ASIC4: variants seen among roughly 807,000 people sequenced by gnomAD.
ASIC4 encodes acid sensing ion channel subunit family member 4.
A neutral mutation model predicts 53.4 loss-of-function variants in ASIC4; 28 were observed. The observed-to-expected ratio is 0.52, with a 90% CI of 0.39 to 0.72. The LOEUF is 0.72. Ranked by LOEUF, ASIC4 falls within the 30% of genes least tolerant of loss-of-function variation. ASIC4 has a pLI of 0.00. For missense variants in ASIC4, 649 were observed against 729.7 expected, an observed-to-expected ratio of 0.89 and a Z score of 1.27; for synonymous variants, 289 against 301.4, an observed-to-expected ratio of 0.96 and a Z score of 0.43.
upstream of ASIC4, among the ~76,000 whole-genome samples, chr2:219,512,784 A>T (rs1444219423): frequency 3.9e-5 from 6 of 152,214 alleles, no homozygotes; most frequent in Non-Finnish European, 1.5e-5. Flanking sequence ...ACCCAGACTC[A>T]TTGGAGGCTT....
intron 1 of ASIC4, among the ~76,000 whole-genome samples, chr2:219,530,268 C>T (rs1695021092): frequency 6.6e-6 from 1 of 152,242 alleles, no homozygotes; most frequent in African/African-American, 2.4e-5. Context: ...GCCTGTTCTC[C>T]ACCCCTGCCG....
Position 219,536,554 on chromosome 2 carries a change from C to G in ASIC4, c.1230-512C>G, listed in dbSNP as rs1668197467. ...CCTCTGAGGGCCCTGGGTTTGGGGT[C>G]TGAGAGAGGAGGCAATGGGGAGGCG... On this transcript the variant is annotated intron_variant, in intron 6 of 9. Coordinates refer to ENST00000358078, the MANE Select transcript of ASIC4 (RefSeq NM_018674.6). This position sits in a 1 kb window ranked among gnomAD's most constrained non-coding sequence, Gnocchi z 4.6. Among the ~76,000 whole-genome samples the G allele has an allele frequency of 6.6e-6, 1 of 151,314 alleles. No homozygotes were observed. Among genetic ancestry groups the G allele is most frequent in the South Asian group, 2.1e-4 (1 of 4,776 alleles).
At chr2:219,524,249 A>C (rs1198960814) in intron 1 of ASIC4, among the ~76,000 whole-genome samples, 2 of 152,244 alleles carry the variant, frequency 1.3e-5, no homozygotes, top group Non-Finnish European at 2.9e-5. Context: ...ACTGTTGAGC[A>C]CAGGCTCAAT....
rs765419366 is a variant in ASIC4, at chr2:219,515,091, T to G, written c.367T>G (p.Phe123Val). 6.2e-7 allele frequency: 1 copy of G among 1,613,996 alleles called. No homozygotes were observed. Among genetic ancestry groups the G allele is most frequent in the East Asian group, 2.2e-5 (1 of 44,876 alleles). Residue 123 changes from phenylalanine to valine, a missense_variant, in exon 1 of 10, where the codon TTC becomes GTC. Coordinates refer to ENST00000358078, the MANE Select transcript of ASIC4 (RefSeq NM_018674.6). ...PAVTLCNINR[F>V]RHSALSDADI... ...TGTCACCCTCTGCAATATCAACCGC[T>G]TCCGGCATTCGGCACTCAGCGATGC...
intron 5 of ASIC4, chr2:219,533,983 G>A (rs1695084954): frequency 6.9e-6 from 1 of 145,872 alleles, no homozygotes; most frequent in South Asian, 2.2e-4. Flanking sequence ...GCGGTGAGCT[G>A]GGATCACACC....
At chr2:219,527,508 T>C (rs1694979133) in intron 1 of ASIC4, among the ~76,000 whole-genome samples, 1 of 152,244 alleles carries the variant, frequency 6.6e-6, no homozygotes, top group Admixed American at 6.5e-5. Flanking sequence ...AGGTACCAGG[T>C]AGGGACGCTG....
upstream of ASIC4, among the ~76,000 whole-genome samples, chr2:219,511,007 C>T (rs989725023): frequency 3.9e-5 from 6 of 152,168 alleles, no homozygotes; most frequent in Non-Finnish European, 7.4e-5. This position sits in a 1 kb window ranked among gnomAD's most constrained non-coding sequence, Gnocchi z 5.3. Flanking sequence ...CAGCCCCAGC[C>T]CCCCCATCCT....
intron 1 of ASIC4, among the ~76,000 whole-genome samples, chr2:219,521,532 A>G (rs1694884590): frequency 6.6e-6 from 1 of 152,094 alleles, no homozygotes; most frequent in Admixed American, 6.5e-5. Context: ...TCAGGAATGG[A>G]GAGGCAGGGG....
intron 5 of ASIC4, chr2:219,533,452 C>G (rs2125668436): frequency 5.9e-6 from 1 of 169,252 alleles, no homozygotes; most frequent in Non-Finnish European, 1.3e-5. Flanking sequence ...AGCTTACACC[C>G]CGGCAGGGCT....
the ASIC4 span, among the ~76,000 whole-genome samples, chr2:219,508,803 A>G: frequency 7.2e-6 from 1 of 139,752 alleles, no homozygotes; most frequent in African/African-American, 2.7e-5. Flanking sequence ...CTGGGGTGGG[A>G]AGTGGGGGAT....
rs1694787308 is a variant in ASIC4 at position 219,516,278 on chromosome 2, CA to C, written c.582+973del. On this transcript the variant is annotated intron_variant, in intron 1 of 9. Coordinates refer to ENST00000358078, the MANE Select transcript of ASIC4 (RefSeq NM_018674.6). The surrounding 1 kb of genome is among the most constrained non-coding windows in gnomAD (Gnocchi z 4.9). ...ATGCCATCCCTTCTCATGACACCCC[CA>C]CCCCCATCTATCCCAACCGCTGCTC... Among the ~76,000 whole-genome samples, 1 of 152,174 alleles carries C rather than the reference CA, an allele frequency of 6.6e-6. No individual in the cohort carries two copies. The highest frequency in any genetic ancestry group is 1.5e-5 in the Non-Finnish European group (1 of 68,018).
In ASIC4 at chr2:219,532,029, G is replaced by T; in HGVS notation, c.756G>T (p.Arg252=). 1 of 1,614,226 alleles carries T rather than the reference G, an allele frequency of 6.2e-7. No homozygotes were observed. Residue 252 remains arginine (R), a synonymous_variant, in exon 3 of 10, where the codon CGG becomes CGT. Coordinates refer to ENST00000358078, the MANE Select transcript of ASIC4 (RefSeq NM_018674.6). ...TNETSFEAGI[R]VQIHSQEEPP... ...AGACGTCGTTTGAGGCAGGTATTCG[G>T]GTGCAGATCCACAGCCAGGAGGAGC...
At position 219,537,206 on chromosome 2, in the gene ASIC4, G is replaced by A. The variant is rs745781324; in HGVS notation, c.1322-36G>A. The A allele has an allele frequency of 9.1e-5, 146 of 1,611,514 alleles. No individual in the cohort carries two copies. In the South Asian group the frequency reaches 1.4e-3, roughly 16 times the overall value. On this transcript the variant is annotated intron_variant, in intron 7 of 9. Coordinates refer to ENST00000358078, the MANE Select transcript of ASIC4 (RefSeq NM_018674.6). This position sits in a 1 kb window ranked among gnomAD's most constrained non-coding sequence, Gnocchi z 4.9. Reference sequence around the variant, plus strand: ...AGCTTGTGTGGGGGTGGATCGGCCCGGCCGCTCCCTCTGACACTGCTCTCC... The same window carrying A: ...AGCTTGTGTGGGGGTGGATCGGCCCAGCCGCTCCCTCTGACACTGCTCTCC...
chr2:219,532,585 G>T (rs1052062931), intron 4 of ASIC4, 108 bp downstream of exon 4: 5 of 1,410,060 alleles, frequency 3.5e-6, no homozygotes, highest in Non-Finnish European at 4.8e-6. Context: ...TATACAACAT[G>T]TGTATGTGTC....
chr2:219,537,209 C>T lies in ASIC4; in HGVS notation c.1322-33C>T, dbSNP rs199546965. The T allele has an allele frequency of 1.0e-4, 168 of 1,611,662 alleles. 1 individual carries two copies. In the East Asian group the frequency reaches 3.3e-3, roughly 31 times the overall value. On this transcript the variant is annotated intron_variant, in intron 7 of 9. Transcript: ENST00000358078. This position sits in a 1 kb window ranked among gnomAD's most constrained non-coding sequence, Gnocchi z 4.9. ...TTGTGTGGGGGTGGATCGGCCCGGC[C>T]GCTCCCTCTGACACTGCTCTCCTGC... is the stretch of plus-strand genomic sequence containing the variant.
rs1415845174 is a variant in ASIC4, at chr2:219,538,679, TTGGAGGG to T, written c.*637_*643del. On this transcript the variant is annotated 3_prime_UTR_variant, in exon 10 of 10. Coordinates refer to ENST00000358078, the MANE Select transcript of ASIC4 (RefSeq NM_018674.6). ...GAGACCTTCCAGACTTCGGCTGAGC[TTGGAGGG>T]TGGGAAGGGAGCCTTCTCAGTCCTC... is the stretch of plus-strand genomic sequence containing the variant. 6.5e-6 allele frequency: 1 copy of T among 154,714 alleles called. No homozygotes were observed. Among genetic ancestry groups the T allele is most frequent in the African/African-American group, 2.4e-5 (1 of 41,458 alleles). The allele number at this position is 154,714 out of a possible 1,614,324, so 9.6% of individuals were successfully genotyped here.
upstream of ASIC4, among the ~76,000 whole-genome samples, chr2:219,512,975 T>A (rs1014271852): frequency 2.6e-5 from 4 of 152,146 alleles, no homozygotes; most frequent in Admixed American, 1.3e-4. Flanking sequence ...TTCCAGCTGC[T>A]AAGGGAGCCA....
At chr2:219,514,437 G>A, upstream of ASIC4, 1 of 1,549,700 alleles carries the variant, frequency 6.5e-7, no homozygotes. Flanking sequence ...CGCAGGGGCT[G>A]ACAGCTGTGC....
At position 219,515,167 on chromosome 2, in the gene ASIC4, A is replaced by C; in HGVS notation, c.443A>C (p.Asp148Ala). ...NLTGLPPKDR[D>A]GHRAAGLRYP... ...ACAGGGCTGCCCCCCAAAGACCGGG[A>C]TGGGCACCGTGCGGCTGGCCTGCGC... is the stretch of plus-strand genomic sequence containing the variant. The change falls in exon 1 of 10, where the codon GAT becomes GCT. Residue 148 changes from aspartate to alanine, a missense_variant. Asp to Ala is a moderately radical substitution (Grantham distance 126, BLOSUM62 -2). Transcript: ENST00000358078. The C allele has an allele frequency of 6.2e-7, 1 of 1,614,148 alleles. No homozygotes were observed. The highest frequency in any genetic ancestry group is 8.5e-7 in the Non-Finnish European group (1 of 1,180,014).
Sources: allele counts gnomAD v4.1 joint callset (sites outside exome capture counted in the v4.1 genomes callset), GRCh38; gene constraint gnomAD v4.1.1; non-coding constraint Gnocchi (gnomAD v3.1); transcripts MANE v1.5; gene names NCBI Gene and HGNC (gene_info 2026-07-23, HGNC 2026-07-21).